Variants in REEP3 observed in about 807,000 individuals in gnomAD.
REEP3 encodes the protein receptor accessory protein 3.
REEP3 carries 20 observed loss-of-function variants against 41.3 expected under a neutral mutation model. The ratio of observed to expected loss-of-function variants is 0.48; its 90% CI spans 0.34 to 0.70. The LOEUF is 0.70. REEP3 is among the 30% of genes least tolerant of loss of function. REEP3 has a pLI of 0.01. For missense variants in REEP3, 271 were observed against 308.8 expected (o/e 0.88, Z 0.92); for synonymous variants, 104 against 101.8 (o/e 1.02, Z -0.13).
chr10:63,598,483 CAAAAAAAA>C (rs59559921), intron 4 of REEP3, among the ~76,000 whole-genome samples: 1 of 65,852 alleles, frequency 1.5e-5, no homozygotes, highest in Admixed American at 2.2e-4. Context: ...GACTCCATCT[CAAAAAAAA>C]AAAAAAAAAA....
rs761312103 is a variant in REEP3, at chr10:63,566,342, G to A, written c.37G>A (p.Val13Met). ...TCTCATTTTTTTTACTTTTAGGCTG[G>A]TGTTTGGAATGCTTTATCCTGCATA... ...SWMISRAVVL[V>M]FGMLYPAYYS... Residue 13 changes from valine to methionine, a missense_variant, in exon 2 of 8, where the codon GTG becomes ATG. By Grantham distance (21) the Val-to-Met change is conservative (BLOSUM62 1). Transcript: ENST00000373758. 3 of 1,542,676 alleles carry A rather than the reference G, an allele frequency of 1.9e-6. No individual in the cohort carries two copies. In the South Asian group the frequency reaches 3.6e-5, roughly 18 times the overall value.
chr10:63,564,049 T>G (rs10733793), intron 1 of REEP3, among the ~76,000 whole-genome samples: 69,049 of 151,928 alleles, frequency 0.45, 16,237 homozygotes, highest in South Asian at 0.54. Context: ...AGGTAAAAAC[T>G]AAGGAAACCT....
chr10:63,590,357 G>A (rs775980640), intron 2 of REEP3, among the ~76,000 whole-genome samples: 29 of 152,156 alleles, frequency 1.9e-4, no homozygotes, highest in Non-Finnish European at 2.9e-4. Context: ...ATCAGTGAGT[G>A]TTATTTTTAA....
intron 2 of REEP3, among the ~76,000 whole-genome samples, chr10:63,568,483 G>A (rs894633819): frequency 2.0e-5 from 3 of 151,744 alleles, no homozygotes; most frequent in Non-Finnish European, 2.9e-5. Flanking sequence ...TAGCCAGGAC[G>A]GTCTCGATCT....
chr10:63,610,452 C>G (rs1246877266), intron 6 of REEP3, 118 bp downstream of exon 6: 2 of 937,290 alleles, frequency 2.1e-6, no homozygotes, highest in Non-Finnish European at 3.2e-6. Flanking sequence ...AGGACAAATA[C>G]CTAATGCATA....
At chr10:63,579,572 C>T (rs1474690921) in intron 2 of REEP3, among the ~76,000 whole-genome samples, 3 of 152,232 alleles carry the variant, frequency 2.0e-5, no homozygotes, top group African/African-American at 7.2e-5. Context: ...CAACTCACAG[C>T]TGCCTGTCCT....
chr10:63,605,312 A>G (rs1013461308), intron 5 of REEP3, among the ~76,000 whole-genome samples: 7 of 152,230 alleles, frequency 4.6e-5, no homozygotes, highest in African/African-American at 1.4e-4. Context: ...AAATGCAGTC[A>G]ATTCCATTCT....
At chr10:63,561,632 A>C (rs1955740375) in intron 1 of REEP3, among the ~76,000 whole-genome samples, 1 of 152,234 alleles carries the variant, frequency 6.6e-6, no homozygotes, top group African/African-American at 2.4e-5. Context: ...ATATTAGAAA[A>C]ACTGATCTGA....
At chr10:63,568,708 T>G (rs1226559340) in intron 2 of REEP3, among the ~76,000 whole-genome samples, 2 of 140,210 alleles carry the variant, frequency 1.4e-5, no homozygotes, top group Non-Finnish European at 3.0e-5. Flanking sequence ...CAAGCTGGAG[T>G]GCAGTGGCAC....
At position 63,620,923 on chromosome 10, in the gene REEP3, T is replaced by C; in HGVS notation, c.*54T>C. The C allele has an allele frequency of 9.2e-7, 1 of 1,082,878 alleles. No homozygotes were observed. The highest frequency in any genetic ancestry group is 1.4e-6 in the Non-Finnish European group (1 of 721,872). 67.1% of individuals were successfully genotyped at this position (1,082,878 alleles called of 1,614,324 possible). A position where few individuals can be genotyped will look rare whatever the true frequency, so the allele number is the denominator to read the frequency against. On this transcript the variant is annotated 3_prime_UTR_variant, in exon 8 of 8. Transcript: ENST00000373758. The stretch of plus-strand genomic sequence containing the variant: ...GATTATGCTAAATACATCGACTTCA[T>C]CTTCTAACATGATATATTCAGGATT...
chr10:63,580,139 T>A (rs1057304778), intron 2 of REEP3, among the ~76,000 whole-genome samples: 2 of 152,016 alleles, frequency 1.3e-5, no homozygotes, highest in African/African-American at 4.8e-5. Flanking sequence ...GTTGTTGTTG[T>A]TGTTGTTTTG....
intron 5 of REEP3, 60 bp from the exon 6 acceptor site, chr10:63,610,127 T>C: frequency 7.4e-7 from 1 of 1,347,238 alleles, no homozygotes; most frequent in Non-Finnish European, 1.0e-6. Context: ...TGTTCAGGGA[T>C]AGTTAAATGT....
chr10:63,624,018 C>CA lies in REEP3; in HGVS notation c.*3154dup, dbSNP rs1398124259. On this transcript the variant is annotated 3_prime_UTR_variant, in exon 8 of 8. Transcript: ENST00000373758. ...TTAGAATAACACAGTCTGTGCTTTCCAAAAATGCTTGAACTTTTATGTTGT... is the reference window on the plus strand; with the variant it reads ...TTAGAATAACACAGTCTGTGCTTTCCAAAAAATGCTTGAACTTTTATGTTGT... The CA allele has an allele frequency of 6.6e-6, 1 of 151,424 alleles. No homozygotes were observed. The highest frequency in any genetic ancestry group is 1.5e-5 in the Non-Finnish European group (1 of 67,922). The allele number at this position is 151,424 out of a possible 1,614,324, so 9.4% of individuals were successfully genotyped here. A position where few individuals can be genotyped will look rare whatever the true frequency, so the allele number is the denominator to read the frequency against.
intron 1 of REEP3, among the ~76,000 whole-genome samples, chr10:63,540,302 C>A (rs1955517130): frequency 1.3e-5 from 2 of 151,950 alleles, no homozygotes; most frequent in East Asian, 3.8e-4. Context: ...TAGCAAACAG[C>A]AAAATAACAT....
At chr10:63,591,466 A>C (rs1956063072) in intron 2 of REEP3, among the ~76,000 whole-genome samples, 1 of 152,210 alleles carries the variant, frequency 6.6e-6, no homozygotes, top group Non-Finnish European at 1.5e-5. Flanking sequence ...ATTAAAGACA[A>C]ATTAAAGCCA....
intron 3 of REEP3, among the ~76,000 whole-genome samples, chr10:63,595,542 C>G (rs1956106041): frequency 6.6e-6 from 1 of 152,024 alleles, no homozygotes; most frequent in Admixed American, 6.6e-5. Flanking sequence ...ACGCACAAAC[C>G]TTCTGTCTAA....
At chr10:63,544,269 G>A (rs949987166) in intron 1 of REEP3, among the ~76,000 whole-genome samples, 1 of 152,192 alleles carries the variant, frequency 6.6e-6, no homozygotes, top group African/African-American at 2.4e-5. Context: ...CATAGCCTAT[G>A]AGGGGATTTT....
intron 1 of REEP3, among the ~76,000 whole-genome samples, chr10:63,542,498 CT>C (rs1955537792): frequency 6.6e-6 from 1 of 152,138 alleles, no homozygotes; most frequent in South Asian, 2.1e-4. Flanking sequence ...TATAAATATC[CT>C]TTATATCCTT....
At chr10:63,596,944 T>C (rs754416682) in intron 3 of REEP3, among the ~76,000 whole-genome samples, 2 of 152,166 alleles carry the variant, frequency 1.3e-5, no homozygotes. Flanking sequence ...ACCTGGCACC[T>C]TAAACCAAGG....
Sources: gnomAD v4.1 joint callset for allele counts (sites outside exome capture counted in the v4.1 genomes callset) on GRCh38, gnomAD v4.1.1 for gene constraint, MANE v1.5 for transcripts, NCBI Gene and HGNC (gene_info 2026-07-23, HGNC 2026-07-21) for gene names.